Variants in LYRM1 observed in about 807,000 individuals in gnomAD.
LYRM1 encodes LYR motif-containing protein 1.
In LYRM1, 14 loss-of-function variants were observed where a neutral mutation model predicts 14.9. The observed-to-expected ratio is 0.94, with a 90% CI of 0.62 to 1.47. The LOEUF (loss-of-function observed/expected upper bound fraction) is 1.47, where lower values mean the gene tolerates loss of function less well. LYRM1 is among the 40% of genes most tolerant of loss of function. The pLI is 0.00. For missense variants in LYRM1, 153 were observed against 149.9 expected, an observed-to-expected ratio of 1.02 and a Z score of -0.11; for synonymous variants, 43 against 56.2, an observed-to-expected ratio of 0.77 and a Z score of 1.05.
chr16:20,919,915 T>G (rs1378223902), intron 2 of LYRM1, among the ~76,000 whole-genome samples: 1 of 152,238 alleles, frequency 6.6e-6, no homozygotes, highest in Non-Finnish European at 1.5e-5. Flanking sequence ...TGTTACATCC[T>G]TTTGTATTAT....
intron 2 of LYRM1, among the ~76,000 whole-genome samples, chr16:20,916,117 CTAAA>C (rs1281555798): frequency 6.6e-6 from 1 of 152,026 alleles, no homozygotes; most frequent in African/African-American, 2.4e-5. Context: ...TTCAAAGCCT[CTAAA>C]TATAAACCCA....
At chr16:20,919,202 G>T (rs1311583759) in intron 2 of LYRM1, among the ~76,000 whole-genome samples, 3 of 152,128 alleles carry the variant, frequency 2.0e-5, no homozygotes, top group Admixed American at 6.6e-5. Context: ...AAAGCCCTTT[G>T]TTCCCCTTAC....
At chr16:20,904,828 G>C (rs377465457) in intron 1 of LYRM1, among the ~76,000 whole-genome samples, 6 of 151,866 alleles carry the variant, frequency 4.0e-5, no homozygotes, top group African/African-American at 1.2e-4. Context: ...AAAAAGGAGG[G>C]AGTATAACAG....
rs764546605 is a variant in LYRM1, at chr16:20,924,085, T to C, written c.338T>C (p.Val113Ala). 3.7e-6 allele frequency: 6 copies of C among 1,609,926 alleles called. No homozygotes were observed. The South Asian group carries it at 4.4e-5, about 12-fold the overall frequency. ...AAACTGAGGAAACTTTCCAAACCAG[T>C]ATATCTCAGATCTCATGATGAAGTT... ...QEKLRKLSKP[V>A]YLRSHDEVS Residue 113 changes from valine to alanine, a missense_variant, in exon 4 of 4, where the codon GTA becomes GCA. By Grantham distance (64) the Val-to-Ala change is moderately conservative. Transcript: ENST00000567954.
rs1220757700 is a variant in LYRM1, at chr16:20,924,792, T to G, written c.*676T>G. The G allele has an allele frequency of 6.6e-6, 1 of 152,238 alleles. No individual in the cohort carries two copies. The highest frequency in any genetic ancestry group is 1.9e-4 in the East Asian group (1 of 5,208). The allele number at this position is 152,238 out of a possible 1,614,324, so 9.4% of individuals were successfully genotyped here. On this transcript the variant is annotated 3_prime_UTR_variant, in exon 4 of 4. Coordinates refer to ENST00000567954, the MANE Select transcript of LYRM1 (RefSeq NM_001128302.3). ...CTACATTCGTTACGAGTATTTTACG[T>G]TAACATAATTGAAAAGTACAAGGTC... is the stretch of plus-strand genomic sequence containing the variant.
Position 20,924,187 on chromosome 16 carries a change from C to A in LYRM1, c.*71C>A, listed in dbSNP as rs2083350985. ...TGAATGTAAACCAGATGGCAAAACA[C>A]TTCTTGATTAGGGGCAAAAATTCAA... is the stretch of plus-strand genomic sequence containing the variant. On this transcript the variant is annotated 3_prime_UTR_variant, in exon 4 of 4. Coordinates refer to ENST00000567954, the MANE Select transcript of LYRM1 (RefSeq NM_001128302.3). The A allele has an allele frequency of 7.3e-6, 6 of 826,742 alleles. No individual in the cohort carries two copies. 51.2% of individuals were successfully genotyped at this position (826,742 alleles called of 1,614,324 possible). A position where few individuals can be genotyped will look rare whatever the true frequency, so the allele number is the denominator to read the frequency against.
At chr16:20,911,799 T>A (rs2082607811) in intron 1 of LYRM1, among the ~76,000 whole-genome samples, 1 of 152,206 alleles carries the variant, frequency 6.6e-6, no homozygotes, top group South Asian at 2.1e-4. Flanking sequence ...GGTCTCTTTA[T>A]ATTGCCCAGG....
rs373661510 is a variant in LYRM1 at position 20,920,091 on chromosome 16, A to G, written c.160-31A>G. The G allele has an allele frequency of 3.4e-5, 50 of 1,473,596 alleles. No individual in the cohort carries two copies. The African/African-American group carries it at 5.3e-4, about 16-fold the overall frequency. The allele number at this position is 1,473,596 out of a possible 1,614,324, so 91.3% of individuals were successfully genotyped here. ...CTCTATGTACCATTAGAAAGATACT[A>G]TCAGCCTCATTTCTTTCTCCCTTTT... On this transcript the variant is annotated intron_variant, in intron 2 of 3. Transcript: ENST00000567954.
At chr16:20,907,066 G>A (rs1399795567) in intron 1 of LYRM1, among the ~76,000 whole-genome samples, 1 of 152,054 alleles carries the variant, frequency 6.6e-6, no homozygotes, top group African/African-American at 2.4e-5. Context: ...CAGCTTTTTT[G>A]GCTCTTGACC....
intron 3 of LYRM1, among the ~76,000 whole-genome samples, chr16:20,923,222 A>C (rs183051548): frequency 5.3e-5 from 8 of 152,266 alleles, no homozygotes; most frequent in Non-Finnish European, 1.0e-4. Context: ...ATCCTAGGCC[A>C]GGCACGGTGG....
intron 1 of LYRM1, among the ~76,000 whole-genome samples, chr16:20,906,487 A>C (rs1202091622): frequency 6.6e-6 from 1 of 152,206 alleles, no homozygotes. Context: ...AATTCCACCT[A>C]GGGGTAGGTC....
chr16:20,913,317 GTTTTT>G (rs5816141), intron 1 of LYRM1, among the ~76,000 whole-genome samples: 1 of 123,308 alleles, frequency 8.1e-6, no homozygotes, highest in Non-Finnish European at 1.8e-5. Context: ...TCTTTTCTTT[GTTTTT>G]TTTTTTTTTT....
At chr16:20,903,012 T>A (rs1205365213) in intron 1 of LYRM1, among the ~76,000 whole-genome samples, 1 of 152,144 alleles carries the variant, frequency 6.6e-6, no homozygotes. Context: ...TAAGAAGGCC[T>A]GGGTTTCAAT....
At chr16:20,908,870 T>C (rs142662933) in intron 1 of LYRM1, among the ~76,000 whole-genome samples, 1 of 152,202 alleles carries the variant, frequency 6.6e-6, no homozygotes, top group African/African-American at 2.4e-5. Context: ...AAGTATGACA[T>C]GGCAAGGCAC....
At chr16:20,908,628 A>T (rs900527033) in intron 1 of LYRM1, among the ~76,000 whole-genome samples, 11 of 152,264 alleles carry the variant, frequency 7.2e-5, no homozygotes, top group Non-Finnish European at 1.6e-4. Context: ...GTAACTTTTA[A>T]TATTTTTCTT....
intron 1 of LYRM1, among the ~76,000 whole-genome samples, chr16:20,913,561 CT>C (rs2082711819): frequency 6.6e-6 from 1 of 152,130 alleles, no homozygotes; most frequent in African/African-American, 2.4e-5. Flanking sequence ...ATCCACCTGC[CT>C]CGGCCTCCCA....
rs537356270 is a variant in LYRM1, at chr16:20,907,415, C to T, written c.-1+6526C>T. On this transcript the variant is annotated intron_variant, in intron 1 of 3. Coordinates refer to ENST00000567954, the MANE Select transcript of LYRM1 (RefSeq NM_001128302.3). ...TGACTCTGTTGCCCAGGCTTGAGTG[C>T]AGTGGCGTGATCATAGCTCACTGCA... Among the ~76,000 whole-genome samples, 8 of 152,260 alleles carry T rather than the reference C, an allele frequency of 5.3e-5. No homozygotes were observed. The South Asian group carries it at 1.7e-3, about 32-fold the overall frequency.
At chr16:20,906,632 C>T (rs558530007) in intron 1 of LYRM1, among the ~76,000 whole-genome samples, 1 of 152,286 alleles carries the variant, frequency 6.6e-6, no homozygotes, top group African/African-American at 2.4e-5. Context: ...CATGAGAGTC[C>T]AGCATTTGGA....
intron 2 of LYRM1, 97 bp from the exon 3 acceptor site, chr16:20,920,025 G>A (rs572079793): frequency 4.8e-6 from 3 of 628,900 alleles, no homozygotes; most frequent in African/African-American, 3.8e-5. Flanking sequence ...TTCATTTACT[G>A]GCTAGTGAAC....
Sources: allele counts gnomAD v4.1 joint callset (sites outside exome capture counted in the v4.1 genomes callset), GRCh38; gene constraint gnomAD v4.1.1; transcripts MANE v1.5; gene names NCBI Gene and HGNC (gene_info 2026-07-23, HGNC 2026-07-21).